Variants in CDC14B observed in about 807,000 individuals in gnomAD.
The protein encoded by CDC14B is dual specificity protein phosphatase CDC14B.
CDC14B carries 22 observed loss-of-function variants against 64.2 expected under a neutral mutation model. The ratio of observed to expected loss-of-function variants is 0.34; its 90% confidence interval spans 0.24 to 0.49. The LOEUF is 0.49. Among genes scored for constraint, CDC14B ranks in the 20% least tolerant of loss-of-function variants. CDC14B has a pLI of 0.99. For missense variants in CDC14B, 498 were observed against 629.9 expected (o/e 0.79, Z 2.24); for synonymous variants, 191 against 215.8 (o/e 0.89, Z 1.01).
Position 96,513,410 on chromosome 9 carries a change from C to T in CDC14B, c.1344-3621G>A, listed in dbSNP as rs1365561369. Among the ~76,000 whole-genome samples the T allele has an allele frequency of 3.9e-5, 6 of 152,324 alleles. No homozygotes were observed. The East Asian group carries it at 5.8e-4, about 15-fold the overall frequency. On this transcript the variant is annotated intron_variant, in intron 12 of 13. Coordinates refer to ENST00000375241, the MANE Select transcript of CDC14B (RefSeq NM_033331.4). ...CTGTCACAGGGAACCCGGGCACTCG[C>T]GGCCTTCTGCCTTCCAACCCAGGCC...
chr9:96,507,398 T>C (rs1834295293), intron 13 of CDC14B, among the ~76,000 whole-genome samples: 1 of 150,712 alleles, frequency 6.6e-6, no homozygotes, highest in South Asian at 2.1e-4. Flanking sequence ...TTAACTGTCA[T>C]CAACGATAGG....
intron 1 of CDC14B, among the ~76,000 whole-genome samples, chr9:96,612,134 G>A (rs1196317278): frequency 4.6e-5 from 7 of 152,238 alleles, no homozygotes; most frequent in Non-Finnish European, 1.5e-5. Flanking sequence ...AGGCAGAAAA[G>A]ATGATCACCA....
At chr9:96,518,916 C>T (rs1836195970) in intron 12 of CDC14B, among the ~76,000 whole-genome samples, 1 of 152,086 alleles carries the variant, frequency 6.6e-6, no homozygotes, top group Non-Finnish European at 1.5e-5. Flanking sequence ...GTGGGCAGAT[C>T]ACGAGGTCAG....
rs1365194104 is a variant in CDC14B, at chr9:96,619,734, T to TAACCGTGCGTGCCCACCGC, written c.-375_-357dup. On this transcript the variant is annotated 5_prime_UTR_variant, in exon 1 of 14. The change creates a premature stop within an existing upstream ORF in the 5' untranslated region. Coordinates refer to ENST00000375241, the MANE Select transcript of CDC14B (RefSeq NM_033331.4). ...AGCTGGCGGCCGGAGCTGCCCGGGG[T>TAACCGTGCGTGCCCACCGC]AACCGTGCGTGCCCACCGCGGCCGC... 6.7e-6 allele frequency: 1 copy of TAACCGTGCGTGCCCACCGC among 150,110 alleles called. No individual in the cohort carries two copies. Among genetic ancestry groups the TAACCGTGCGTGCCCACCGC allele is most frequent in the African/African-American group, 2.4e-5 (1 of 41,018 alleles). The allele number at this position is 150,110 out of a possible 1,614,324, so 9.3% of individuals were successfully genotyped here. A position where few individuals can be genotyped will look rare whatever the true frequency, so the allele number is the denominator to read the frequency against.
rs976068300 is a variant in CDC14B, at chr9:96,533,844, A to G, written c.946+83T>C. ...TAAAGGCAGTTTCATGTTCTGACAC[A>G]TAAACTAAATGAATATGGTCTGTTT... On this transcript the variant is annotated intron_variant, in intron 9 of 13. Coordinates refer to ENST00000375241, the MANE Select transcript of CDC14B (RefSeq NM_033331.4). 2.8e-5 allele frequency: 23 copies of G among 814,152 alleles called. No homozygotes were observed. In the African/African-American group the frequency reaches 3.7e-4, roughly 13 times the overall value. The allele number at this position is 814,152 out of a possible 1,614,324, so 50.4% of individuals were successfully genotyped here.
chr9:96,595,853 G>C (rs1331777631), intron 1 of CDC14B, among the ~76,000 whole-genome samples: 3 of 152,000 alleles, frequency 2.0e-5, no homozygotes, highest in Admixed American at 1.3e-4. Context: ...TTTTTGAGGG[G>C]ATAATGAAAA....
chr9:96,527,999 A>G (rs1837847954), intron 9 of CDC14B, among the ~76,000 whole-genome samples: 2 of 152,152 alleles, frequency 1.3e-5, no homozygotes. Context: ...TCTTACCCCA[A>G]GTATCTCATA....
rs1317789127 is a variant in CDC14B at position 96,501,311 on chromosome 9, G to C, written c.*2442C>G. The stretch of plus-strand genomic sequence containing the variant: ...GCAAACCGTCCCAGTGTACTTTCAG[G>C]GCTATTTAAGGCTCTTAGGTTAAGG... On this transcript the variant is annotated 3_prime_UTR_variant, in exon 14 of 14. Coordinates refer to ENST00000375241, the MANE Select transcript of CDC14B (RefSeq NM_033331.4). 2 of 152,154 alleles carry C rather than the reference G, an allele frequency of 1.3e-5. No individual in the cohort carries two copies. The highest frequency in any genetic ancestry group is 2.9e-5 in the Non-Finnish European group (2 of 68,034). The allele number at this position is 152,154 out of a possible 1,614,324, so 9.4% of individuals were successfully genotyped here. A position where few individuals can be genotyped will look rare whatever the true frequency, so the allele number is the denominator to read the frequency against.
chr9:96,513,316 A>C (rs1318767069), intron 12 of CDC14B, among the ~76,000 whole-genome samples: 2 of 152,218 alleles, frequency 1.3e-5, no homozygotes, highest in East Asian at 3.9e-4. Flanking sequence ...GTTGGGGGAG[A>C]ACTCCACTGA....
At chr9:96,575,650 A>C (rs559823398) in intron 1 of CDC14B, among the ~76,000 whole-genome samples, 1 of 152,308 alleles carries the variant, frequency 6.6e-6, no homozygotes, top group Non-Finnish European at 1.5e-5. Flanking sequence ...TATAATTTTA[A>C]AATGCAAAAA....
At position 96,562,215 on chromosome 9, in the gene CDC14B, A is replaced by C. The variant is rs1302571653; in HGVS notation, c.420+478T>G. Reference sequence around the variant, plus strand: ...CCTCCTGCTAGATGTTTTGATGAGAAAGGAGATGACCTTAATTAGGGGAAA... The same window carrying C: ...CCTCCTGCTAGATGTTTTGATGAGACAGGAGATGACCTTAATTAGGGGAAA... On this transcript the variant is annotated intron_variant, in intron 4 of 13. Transcript: ENST00000375241. 4.6e-5 allele frequency among the ~76,000 whole-genome samples: 7 copies of C among 152,188 alleles called. No homozygotes were observed. In the East Asian group the frequency reaches 1.3e-3, roughly 29 times the overall value.
intron 1 of CDC14B, among the ~76,000 whole-genome samples, chr9:96,608,190 G>A (rs561063328): frequency 6.6e-6 from 1 of 152,276 alleles, no homozygotes; most frequent in African/African-American, 2.4e-5. Context: ...ACAAGGATGA[G>A]ACTATCAAAC....
intron 1 of CDC14B, among the ~76,000 whole-genome samples, chr9:96,608,972 T>C (rs1588075643): frequency 1.3e-5 from 2 of 151,798 alleles, no homozygotes; most frequent in South Asian, 4.2e-4. Context: ...GGAAAAATTA[T>C]TCATATATAT....
At chr9:96,504,019 A>G (rs1833792429) in intron 13 of CDC14B, among the ~76,000 whole-genome samples, 1 of 152,196 alleles carries the variant, frequency 6.6e-6, no homozygotes, top group Admixed American at 6.5e-5. Context: ...TGCAAAAAAT[A>G]GAAATTTAAA....
At chr9:96,583,504 C>A (rs1222894180) in intron 1 of CDC14B, among the ~76,000 whole-genome samples, 1 of 150,928 alleles carries the variant, frequency 6.6e-6, no homozygotes, top group Non-Finnish European at 1.5e-5. Flanking sequence ...TCAAGCGATT[C>A]TCCTGCCTCA....
rs534689580 is a variant in CDC14B at position 96,536,596 on chromosome 9, C to T, written c.628-2054G>A. Reference sequence around the variant, plus strand: ...GTATTCTTACATCTTTGGTACATCACAGAAACAACTGAGTGTCATTATTAA... The same window carrying T: ...GTATTCTTACATCTTTGGTACATCATAGAAACAACTGAGTGTCATTATTAA... On this transcript the variant is annotated intron_variant, in intron 7 of 13. Transcript: ENST00000375241. Among the ~76,000 whole-genome samples, 4 of 152,276 alleles carry T rather than the reference C, an allele frequency of 2.6e-5. No homozygotes were observed. In the East Asian group the frequency reaches 7.7e-4, roughly 29 times the overall value.
chr9:96,535,214 G>A (rs983885020), intron 7 of CDC14B, among the ~76,000 whole-genome samples: 2 of 152,172 alleles, frequency 1.3e-5, no homozygotes, highest in Non-Finnish European at 2.9e-5. Context: ...GGCTGAGGCA[G>A]GAGAATTGCT....
At chr9:96,519,706 G>A (rs1264230171) in intron 12 of CDC14B, among the ~76,000 whole-genome samples, 6 of 145,560 alleles carry the variant, frequency 4.1e-5, no homozygotes, top group South Asian at 2.2e-4. Flanking sequence ...ACTCCAGCCC[G>A]GCCAACAGAG....
chr9:96,556,781 T>A lies in CDC14B; in HGVS notation c.421-4909A>T, dbSNP rs1842559477. On this transcript the variant is annotated intron_variant, in intron 4 of 13. Coordinates refer to ENST00000375241, the MANE Select transcript of CDC14B (RefSeq NM_033331.4). The stretch of plus-strand genomic sequence containing the variant: ...AATCTTGATTTTTTAAAAAATGAAA[T>A]CTCCTAAATTTTAACCACAGAGGAA... Among the ~76,000 whole-genome samples, 3 of 152,016 alleles carry A rather than the reference T, an allele frequency of 2.0e-5. No individual in the cohort carries two copies. The South Asian group carries it at 6.2e-4, about 32-fold the overall frequency.
Sources: gnomAD v4.1 joint callset for allele counts (sites outside exome capture counted in the v4.1 genomes callset) on GRCh38, gnomAD v4.1.1 for gene constraint, MANE v1.5 for transcripts, NCBI Gene and HGNC (gene_info 2026-07-23, HGNC 2026-07-21) for gene names.